FAF1: variants seen among roughly 807,000 people sequenced by gnomAD.
FAF1 encodes the protein Fas associated factor 1.
Under a neutral mutation model 92.5 loss-of-function variants are expected in FAF1, and 25 were observed. That is an observed-to-expected ratio of 0.27 (90% confidence interval 0.20 to 0.38). The LOEUF (loss-of-function observed/expected upper bound fraction) is 0.38, where lower values mean the gene tolerates loss of function less well. Ranked by LOEUF, FAF1 falls within the 10% of genes least tolerant of loss-of-function variation. FAF1 has a pLI of 1.00. For synonymous variants in FAF1, 234 were observed against 273.2 expected (o/e 0.86, Z 1.42); for missense variants, 636 against 793.3 (o/e 0.80, Z 2.38).
At chr1:50,766,791 CAAAAAA>C (rs765570305) in intron 4 of FAF1, among the ~76,000 whole-genome samples, 1 of 61,926 alleles carries the variant, frequency 1.6e-5, no homozygotes, top group Non-Finnish European at 3.0e-5. Flanking sequence ...AGCAAGCAAG[CAAAAAA>C]AAAAAAAAAA....
At chr1:50,759,388 G>T (rs555236779) in intron 4 of FAF1, among the ~76,000 whole-genome samples, 2 of 146,614 alleles carry the variant, frequency 1.4e-5, no homozygotes, top group South Asian at 4.3e-4. Context: ...ACCTATGAGT[G>T]AGAATATGCA....
At chr1:50,530,849 T>C (rs758738230) in intron 15 of FAF1, among the ~76,000 whole-genome samples, 2 of 152,276 alleles carry the variant, frequency 1.3e-5, no homozygotes, top group African/African-American at 4.8e-5. Context: ...AGAATCAGTA[T>C]TCTGTTTGTC....
chr1:50,535,382 T>C lies in FAF1; in HGVS notation c.1481A>G (p.Asp494Gly). 6.2e-7 allele frequency: 1 copy of C among 1,608,940 alleles called. No individual in the cohort carries two copies. Among genetic ancestry groups the C allele is most frequent in the Non-Finnish European group, 8.5e-7 (1 of 1,175,752 alleles). ...GCATAACCTTACCTCGTCCTTTATA[T>C]CTTCCTGTTGTTGGGCTGTGAAGAT... Reference protein sequence around the residue: ...MEIFTAQQQEDIKDEDEREAR... With the variant: ...MEIFTAQQQEGIKDEDEREAR... Residue 494 changes from aspartate to glycine, a missense_variant, in exon 15 of 19, where the codon GAT (aspartate) becomes GGT (glycine). Around this residue, in one of 2 missense-constraint regions of FAF1, gnomAD observed 319 missense variants for 451.0 expected, o/e 0.71. Transcript: ENST00000396153.
intron 8 of FAF1, among the ~76,000 whole-genome samples, chr1:50,641,305 C>T (rs1654317212): frequency 1.3e-5 from 2 of 152,080 alleles, no homozygotes; most frequent in Admixed American, 1.3e-4. Flanking sequence ...ATTGGACCGC[C>T]TTTTAAATAT....
chr1:50,658,347 C>T (rs1655219312), intron 7 of FAF1, among the ~76,000 whole-genome samples: 1 of 151,972 alleles, frequency 6.6e-6, no homozygotes. Flanking sequence ...CGCAAAGCTA[C>T]CCTAGCATTG....
At chr1:50,860,471 G>A (rs903572700) in intron 1 of FAF1, among the ~76,000 whole-genome samples, 12 of 151,500 alleles carry the variant, frequency 7.9e-5, no homozygotes, top group East Asian at 1.9e-4. Flanking sequence ...AAAAGAAGAC[G>A]TACACATGGC....
At chr1:50,782,358 T>C (rs1323897243) in intron 4 of FAF1, among the ~76,000 whole-genome samples, 1 of 152,080 alleles carries the variant, frequency 6.6e-6, no homozygotes, top group Non-Finnish European at 1.5e-5. Flanking sequence ...GACCCTGTGG[T>C]AGGCCTAGGT....
chr1:50,807,658 G>C (rs1183385220), intron 2 of FAF1, among the ~76,000 whole-genome samples: 2 of 152,126 alleles, frequency 1.3e-5, no homozygotes, highest in Admixed American at 6.5e-5. Flanking sequence ...CAACCAAAGA[G>C]AGGAAAGAAT....
chr1:50,569,815 G>A (rs948549124), intron 12 of FAF1, among the ~76,000 whole-genome samples: 6 of 152,044 alleles, frequency 3.9e-5, no homozygotes, highest in Non-Finnish European at 7.4e-5. Context: ...CACATGTGCC[G>A]AAGAGGCTAC....
At position 50,553,900 on chromosome 1, in the gene FAF1, T is replaced by TA. The variant is rs1037467640; in HGVS notation, c.1268+13176dup. Among the ~76,000 whole-genome samples the TA allele has an allele frequency of 4.3e-3, 623 of 145,834 alleles. 2 individuals are homozygous for TA. Among genetic ancestry groups the TA allele is most frequent in the Non-Finnish European group, 5.7e-3 (377 of 66,050 alleles). ...AGACATTTCCAGTTTTCAGAGCAGC[T>TA]AAAAAAAAAAGCTATCTTTTGAAGC... is the stretch of plus-strand genomic sequence containing the variant. On this transcript the variant is annotated intron_variant, in intron 13 of 18. Transcript: ENST00000396153.
intron 18 of FAF1, among the ~76,000 whole-genome samples, chr1:50,466,221 A>G (rs1451262005): frequency 6.6e-6 from 1 of 152,154 alleles, no homozygotes; most frequent in African/African-American, 2.4e-5. Flanking sequence ...AAACCAACAG[A>G]TTTTGCTTAT....
intron 6 of FAF1, among the ~76,000 whole-genome samples, chr1:50,728,482 G>C (rs1409784100): frequency 6.6e-6 from 1 of 152,090 alleles, no homozygotes; most frequent in East Asian, 1.9e-4. Context: ...ATTTTTATTA[G>C]AAGTGTAATA....
intron 2 of FAF1, among the ~76,000 whole-genome samples, chr1:50,843,652 GTTTTA>G (rs1644274757): frequency 6.6e-6 from 1 of 151,858 alleles, no homozygotes; most frequent in Non-Finnish European, 1.5e-5. Flanking sequence ...TGTGCCTGAT[GTTTTA>G]TTTAACATAA....
intron 13 of FAF1, among the ~76,000 whole-genome samples, chr1:50,566,768 T>C (rs2149056186): frequency 6.6e-6 from 1 of 152,206 alleles, no homozygotes; most frequent in African/African-American, 2.4e-5. Context: ...CTGAACATCA[T>C]TAAAAACATC....
chr1:50,451,923 G>A lies in FAF1; in HGVS notation c.1870-10400C>T. ...AAAATGGTCTCAAACTTGGCACACT[G>A]TCGGGGACACCCTGGGCACCAAACA... is the stretch of plus-strand genomic sequence containing the variant. On this transcript the variant is annotated intron_variant, in intron 18 of 18. Coordinates refer to ENST00000396153, the MANE Select transcript of FAF1 (RefSeq NM_007051.3). 3 of 1,118,012 alleles carry A rather than the reference G, an allele frequency of 2.7e-6. No individual in the cohort carries two copies. In the South Asian group the frequency reaches 6.8e-5, roughly 25 times the overall value. The allele number at this position is 1,118,012 out of a possible 1,614,324, so 69.3% of individuals were successfully genotyped here.
intron 1 of FAF1, among the ~76,000 whole-genome samples, chr1:50,917,630 AAAGG>A (rs1385622598): frequency 1.9e-4 from 4 of 21,580 alleles, no homozygotes; most frequent in African/African-American, 6.5e-4. Context: ...AGGAAAAAGG[AAAGG>A]AAAGGAAAGG....
intron 2 of FAF1, among the ~76,000 whole-genome samples, chr1:50,856,191 C>T (rs913672735): frequency 2.0e-5 from 3 of 151,826 alleles, no homozygotes; most frequent in African/African-American, 4.8e-5. Context: ...CACCATCACC[C>T]TTTCCTCTAT....
At chr1:50,918,250 G>T in intron 1 of FAF1, among the ~76,000 whole-genome samples, 1 of 124,120 alleles carries the variant, frequency 8.1e-6, no homozygotes, top group East Asian at 2.3e-4. Flanking sequence ...GTGCAGGTTA[G>T]TTACATATGT....
Position 50,880,782 on chromosome 1 carries a change from AAG to A in FAF1, c.46-22787_46-22786del, listed in dbSNP as rs569536623. On this transcript the variant is annotated intron_variant, in intron 1 of 18. Transcript: ENST00000396153. ...AGCAATTAATGTAGGGCAGAACAAA[AAG>A]AGAATAAGTTTGACTTACAATATTA... Among the ~76,000 whole-genome samples, 29 of 152,338 alleles carry A rather than the reference AAG, an allele frequency of 1.9e-4. No homozygotes were observed. The South Asian group carries it at 5.6e-3, about 29-fold the overall frequency.
Sources: allele counts gnomAD v4.1 joint callset (sites outside exome capture counted in the v4.1 genomes callset), GRCh38; gene constraint gnomAD v4.1.1; regional missense constraint gnomAD v4.1.1; transcripts MANE v1.5; gene names NCBI Gene and HGNC (gene_info 2026-07-23, HGNC 2026-07-21).